Variants in DCC observed in about 807,000 individuals in gnomAD.
DCC encodes netrin receptor DCC.
DCC carries 58 observed loss-of-function variants against 172.5 expected under a neutral mutation model. That is an observed-to-expected ratio of 0.34 (90% CI 0.27 to 0.42). DCC has a LOEUF of 0.42. Ranked by LOEUF, DCC falls within the 10% of genes least tolerant of loss-of-function variation. DCC has a pLI of 1.00. For synonymous variants in DCC, 709 were observed against 644.5 expected (o/e 1.10, Z -1.52); for missense variants, 1,740 against 1,791.0 (o/e 0.97, Z 0.51).
At chr18:53,227,984 T>C (rs1036857235) in intron 12 of DCC, among the ~76,000 whole-genome samples, 1 of 152,184 alleles carries the variant, frequency 6.6e-6, no homozygotes, top group Non-Finnish European at 1.5e-5. Context: ...AAAATTGATA[T>C]CTTTTTAAAA....
chr18:52,842,096 T>C (rs1485813714), intron 2 of DCC, among the ~76,000 whole-genome samples: 1 of 152,100 alleles, frequency 6.6e-6, no homozygotes, highest in East Asian at 1.9e-4. Context: ...TTTTATACAA[T>C]CAAATTATCA....
chr18:53,450,793 G>A lies in DCC; in HGVS notation c.3392+131G>A, dbSNP rs558702135. 160 of 789,200 alleles carry A rather than the reference G, an allele frequency of 2.0e-4. 4 individuals carry two copies. The South Asian group carries it at 2.1e-3, about 10-fold the overall frequency. 48.9% of individuals were successfully genotyped at this position (789,200 alleles called of 1,614,324 possible). A position where few individuals can be genotyped will look rare whatever the true frequency, so the allele number is the denominator to read the frequency against. On this transcript the variant is annotated intron_variant, in intron 23 of 28. Coordinates refer to ENST00000442544, the MANE Select transcript of DCC (RefSeq NM_005215.4). Reference sequence around the variant, plus strand: ...CTTCCTAACCCTGGCAAAACCTTGCGTTTTGTCTATTCCAGGCCTATCATT... The same window carrying A: ...CTTCCTAACCCTGGCAAAACCTTGCATTTTGTCTATTCCAGGCCTATCATT...
At chr18:52,823,945 G>A (rs1347094441) in intron 2 of DCC, among the ~76,000 whole-genome samples, 1 of 152,210 alleles carries the variant, frequency 6.6e-6, no homozygotes, top group Non-Finnish European at 1.5e-5. Context: ...TATACAGCTT[G>A]TACTATCTGG....
intron 24 of DCC, 63 bp downstream of exon 24, chr18:53,459,521 C>A: frequency 9.4e-7 from 1 of 1,058,202 alleles, no homozygotes; most frequent in Non-Finnish European, 1.5e-6. Context: ...GAGTTTTTCA[C>A]TCCTTTTATG....
At chr18:53,226,532 C>A (rs1401461053) in intron 12 of DCC, among the ~76,000 whole-genome samples, 1 of 152,022 alleles carries the variant, frequency 6.6e-6, no homozygotes, top group African/African-American at 2.4e-5. Flanking sequence ...CAATAAACTT[C>A]AGTAGACAAC....
At chr18:52,887,232 C>A (rs1159611719) in intron 2 of DCC, among the ~76,000 whole-genome samples, 1 of 151,946 alleles carries the variant, frequency 6.6e-6, no homozygotes. Flanking sequence ...CACTCTGCAA[C>A]TTTTAGGACT....
At position 53,289,735 on chromosome 18, in the gene DCC, C is replaced by CT. The variant is rs1443664156; in HGVS notation, c.1912-15842dup. The stretch of plus-strand genomic sequence containing the variant: ...AACCAGCCATGTAATTTTGAGACTG[C>CT]TGAGATCTCTTGATTGTGCATCTGA... On this transcript the variant is annotated intron_variant, in intron 12 of 28. Transcript: ENST00000442544. Among the ~76,000 whole-genome samples, 3 of 152,086 alleles carry CT rather than the reference C, an allele frequency of 2.0e-5. No homozygotes were observed. In the East Asian group the frequency reaches 5.8e-4, roughly 29 times the overall value.
At chr18:53,269,347 T>C (rs2056720413) in intron 12 of DCC, among the ~76,000 whole-genome samples, 1 of 152,194 alleles carries the variant, frequency 6.6e-6, no homozygotes. Context: ...TTCATCCTGG[T>C]GTTCTTAGTT....
chr18:53,474,493 A>G (rs748006833), intron 25 of DCC, among the ~76,000 whole-genome samples: 1 of 152,148 alleles, frequency 6.6e-6, no homozygotes, highest in South Asian at 2.1e-4. Flanking sequence ...AGGTAATTGA[A>G]TCAGGGGCAG....
intron 5 of DCC, among the ~76,000 whole-genome samples, chr18:53,009,003 A>G (rs2041687571): frequency 6.6e-6 from 1 of 151,950 alleles, no homozygotes; most frequent in Admixed American, 6.6e-5. Flanking sequence ...GTAGACCTGA[A>G]CATTTAGGTT....
chr18:53,053,908 A>T (rs6508192), intron 5 of DCC, among the ~76,000 whole-genome samples: 1 of 152,054 alleles, frequency 6.6e-6, no homozygotes, highest in Admixed American at 6.6e-5. Flanking sequence ...ATATGTATGG[A>T]TATATATTTG....
intron 1 of DCC, among the ~76,000 whole-genome samples, chr18:52,499,232 G>C (rs1185520967): frequency 1.3e-5 from 2 of 152,186 alleles, no homozygotes; most frequent in Non-Finnish European, 2.9e-5. Flanking sequence ...ATGATTGACT[G>C]ATAGCAATGA....
At position 53,332,492 on chromosome 18, in the gene DCC, T is replaced by C. The variant is rs187829243; in HGVS notation, c.2165-7221T>C. Among the ~76,000 whole-genome samples, 764 of 152,276 alleles carry C rather than the reference T, an allele frequency of 5.0e-3. 3 individuals are homozygous for C. Among genetic ancestry groups the C allele is most frequent in the Non-Finnish European group, 7.9e-3 (540 of 68,022 alleles). On this transcript the variant is annotated intron_variant, in intron 14 of 28. Transcript: ENST00000442544. ...GCTACATGAGCAAAAATTTGTTAAA[T>C]TGATGAGTATGACACATGCATAATA... is the stretch of plus-strand genomic sequence containing the variant.
At chr18:52,739,250 C>T (rs2036778160) in intron 1 of DCC, among the ~76,000 whole-genome samples, 1 of 152,256 alleles carries the variant, frequency 6.6e-6, no homozygotes, top group Non-Finnish European at 1.5e-5. Context: ...CAGTCATTCA[C>T]CACCAACCTA....
chr18:52,564,178 G>A (rs1035197299), intron 1 of DCC, among the ~76,000 whole-genome samples: 4 of 152,016 alleles, frequency 2.6e-5, no homozygotes, highest in South Asian at 2.1e-4. Context: ...CTTCCTCAAA[G>A]GATTCAGGGT....
At chr18:53,142,575 A>G (rs537300163) in intron 7 of DCC, among the ~76,000 whole-genome samples, 1 of 152,334 alleles carries the variant, frequency 6.6e-6, no homozygotes, top group Non-Finnish European at 1.5e-5. Flanking sequence ...AATTTAAGCA[A>G]CAGTCCCTAC....
chr18:53,396,549 T>G (rs745761993), intron 17 of DCC, among the ~76,000 whole-genome samples: 16 of 152,214 alleles, frequency 1.1e-4, no homozygotes, highest in Non-Finnish European at 1.8e-4. Flanking sequence ...CCTTCCTTGA[T>G]CAATTGCTCC....
intron 1 of DCC, among the ~76,000 whole-genome samples, chr18:52,561,254 T>A (rs1598914307): frequency 6.7e-6 from 1 of 148,396 alleles, no homozygotes. Context: ...ATTGAATCTG[T>A]AATTCTAGAG....
intron 5 of DCC, among the ~76,000 whole-genome samples, chr18:53,003,863 A>G (rs550562641): frequency 8.4e-4 from 128 of 152,248 alleles, no homozygotes; most frequent in South Asian, 6.8e-3. Context: ...TATTTAACCC[A>G]TTCTGTGTCT....
Sources: allele counts gnomAD v4.1 joint callset (sites outside exome capture counted in the v4.1 genomes callset), GRCh38; gene constraint gnomAD v4.1.1; transcripts MANE v1.5; gene names NCBI Gene and HGNC (gene_info 2026-07-23, HGNC 2026-07-21).